Variants in ATP9A observed in about 807,000 individuals in gnomAD.
ATP9A encodes the protein ATPase phospholipid transporting 9A.
A neutral mutation model predicts 144.1 loss-of-function variants in ATP9A; 52 were observed. The ratio of observed to expected loss-of-function variants is 0.36; its 90% CI spans 0.29 to 0.45. The LOEUF (loss-of-function observed/expected upper bound fraction) is 0.45, where lower values mean the gene tolerates loss of function less well. Among genes scored for constraint, ATP9A ranks in the 20% least tolerant of loss-of-function variants. The pLI is 1.00. For missense variants in ATP9A, 947 were observed against 1,392.7 expected, an observed-to-expected ratio of 0.68 and a Z score of 5.09; for synonymous variants, 582 against 557.4, an observed-to-expected ratio of 1.04 and a Z score of -0.62.
At chr20:51,637,257 G>A (rs1009741) in intron 15 of ATP9A, among the ~76,000 whole-genome samples, 35,968 of 139,576 alleles carry the variant, frequency 0.26, 4,780 homozygotes, top group Middle Eastern at 0.29. Context: ...GCGAGAAAAA[G>A]CTGTGAGTTG....
rs778860758 is a variant in ATP9A, at chr20:51,755,974, C to T, written c.68+12328G>A. On this transcript the variant is annotated intron_variant, in intron 1 of 27. Coordinates refer to ENST00000338821, the MANE Select transcript of ATP9A (RefSeq NM_006045.3). ...CATCTCAAAGAAAAAAAAAAAAGTT[C>T]ATAGCTGCACTATTCATGACATTAA... 1.6e-3 allele frequency among the ~76,000 whole-genome samples: 237 copies of T among 151,642 alleles called. 1 individual carries two copies. The highest frequency in any genetic ancestry group is 2.5e-3 in the Non-Finnish European group (172 of 67,852).
At chr20:51,723,748 G>T (rs1010890886) in intron 3 of ATP9A, among the ~76,000 whole-genome samples, 1 of 151,700 alleles carries the variant, frequency 6.6e-6, no homozygotes, top group Non-Finnish European at 1.5e-5. Flanking sequence ...ATAGAGACAG[G>T]GTTTCACCAT....
At chr20:51,710,311 A>AAG (rs1259553987) in intron 4 of ATP9A, among the ~76,000 whole-genome samples, 2 of 152,124 alleles carry the variant, frequency 1.3e-5, no homozygotes, top group East Asian at 3.9e-4. Context: ...CTAAAAAAAA[A>AAG]GAAAAAAACT....
rs1163147405 is a variant in ATP9A at position 51,601,013 on chromosome 20, A to G, written c.*198T>C. The G allele has an allele frequency of 1.9e-6, 1 of 523,728 alleles. No individual in the cohort carries two copies. Among genetic ancestry groups the G allele is most frequent in the Admixed American group, 3.7e-5 (1 of 26,736 alleles). 32.4% of individuals were successfully genotyped at this position (523,728 alleles called of 1,614,324 possible). On this transcript the variant is annotated 3_prime_UTR_variant, in exon 28 of 28. Coordinates refer to ENST00000338821, the MANE Select transcript of ATP9A (RefSeq NM_006045.3). ...AAGAACGAGGGGTTCAGACAGGCCCAGATGGGTCTCTTTCAGGACCCTCCC... is the reference window on the plus strand; with the variant it reads ...AAGAACGAGGGGTTCAGACAGGCCCGGATGGGTCTCTTTCAGGACCCTCCC...
At chr20:51,607,642 C>T (rs2077168792) in intron 25 of ATP9A, 58 bp from the exon 26 acceptor site, 2 of 1,378,670 alleles carry the variant, frequency 1.5e-6, no homozygotes, top group Admixed American at 3.5e-5. Flanking sequence ...ACGCAGCATG[C>T]CATCAGCTTT....
chr20:51,743,469 G>A (rs73616840), intron 1 of ATP9A, among the ~76,000 whole-genome samples: 8 of 145,214 alleles, frequency 5.5e-5, no homozygotes, highest in South Asian at 2.2e-4. Flanking sequence ...GCGGGATCTC[G>A]GCTCACTGCA....
chr20:51,768,376 G>T lies in ATP9A; in HGVS notation c.-7C>A. On this transcript the variant is annotated 5_prime_UTR_variant, in exon 1 of 28. Coordinates refer to ENST00000338821, the MANE Select transcript of ATP9A (RefSeq NM_006045.3). ...GCGGGATGTTGTCCGTCATGTCGGC[G>T]GCGCCGCCCGCCTTGGCCGCCGCGC... The T allele has an allele frequency of 8.4e-7, 1 of 1,193,820 alleles. No individual in the cohort carries two copies. 74.0% of individuals were successfully genotyped at this position (1,193,820 alleles called of 1,614,324 possible).
At chr20:51,725,562 A>G (rs1259782713) in intron 3 of ATP9A, among the ~76,000 whole-genome samples, 1 of 152,194 alleles carries the variant, frequency 6.6e-6, no homozygotes, top group Non-Finnish European at 1.5e-5. Context: ...CATACAATAA[A>G]TCCTTGTTGA....
At chr20:51,715,480 G>C (rs1032786811) in intron 3 of ATP9A, among the ~76,000 whole-genome samples, 5 of 152,062 alleles carry the variant, frequency 3.3e-5, no homozygotes, top group African/African-American at 4.8e-5. Flanking sequence ...TTGTTTTTTC[G>C]AATGTTCCAG....
chr20:51,641,230 G>A (rs1054384380), intron 14 of ATP9A, among the ~76,000 whole-genome samples: 1 of 151,920 alleles, frequency 6.6e-6, no homozygotes, highest in Admixed American at 6.6e-5. Flanking sequence ...GTGGTGGCAT[G>A]CGCCTGTAAT....
At position 51,751,207 on chromosome 20, in the gene ATP9A, A is replaced by G. The variant is rs531542775; in HGVS notation, c.68+17095T>C. ...GGCCCTGCCACCACTTATACCCCCA[A>G]TGAATTAGGAATGCAAAACTCTTGA... On this transcript the variant is annotated intron_variant, in intron 1 of 27. Transcript: ENST00000338821. 1.1e-4 allele frequency among the ~76,000 whole-genome samples: 17 copies of G among 150,584 alleles called. No homozygotes were observed. In the East Asian group the frequency reaches 3.3e-3, roughly 29 times the overall value.
chr20:51,720,535 A>G (rs1158968755), intron 3 of ATP9A, among the ~76,000 whole-genome samples: 2 of 152,146 alleles, frequency 1.3e-5, no homozygotes, highest in African/African-American at 4.8e-5. Flanking sequence ...TTTATAAGGT[A>G]AAGCCCAACA....
intron 3 of ATP9A, among the ~76,000 whole-genome samples, chr20:51,722,442 G>A (rs75737177): frequency 6.6e-6 from 1 of 152,082 alleles, no homozygotes; most frequent in African/African-American, 2.4e-5. Flanking sequence ...CAATCTATAC[G>A]TCTGACAAAG....
At chr20:51,622,286 T>A in intron 18 of ATP9A, 114 bp from the exon 19 acceptor site, 1 of 803,160 alleles carries the variant, frequency 1.2e-6, no homozygotes. Context: ...TCCGTTTACC[T>A]CCTGCCGACT....
chr20:51,609,062 G>A (rs1019486691), intron 24 of ATP9A, among the ~76,000 whole-genome samples: 2 of 151,980 alleles, frequency 1.3e-5, no homozygotes, highest in Non-Finnish European at 2.9e-5. Flanking sequence ...GCATTCCAGG[G>A]AGAAGGAACC....
Position 51,599,380 on chromosome 20 carries a change from C to T in ATP9A, c.*1831G>A, listed in dbSNP as rs2077132777. ...AATTTCTCCTCCACCTTTGAAAACACAGAAACTCACTCAATGAATACGTCA... is the reference window on the plus strand; with the variant it reads ...AATTTCTCCTCCACCTTTGAAAACATAGAAACTCACTCAATGAATACGTCA... On this transcript the variant is annotated 3_prime_UTR_variant, in exon 28 of 28. Coordinates refer to ENST00000338821, the MANE Select transcript of ATP9A (RefSeq NM_006045.3). The T allele has an allele frequency of 6.6e-6, 1 of 151,858 alleles. No homozygotes were observed. Among genetic ancestry groups the T allele is most frequent in the Non-Finnish European group, 1.5e-5 (1 of 67,886 alleles). The allele number at this position is 151,858 out of a possible 1,614,324, so 9.4% of individuals were successfully genotyped here.
chr20:51,601,926 A>C (rs2077144865), intron 27 of ATP9A, among the ~76,000 whole-genome samples: 1 of 151,264 alleles, frequency 6.6e-6, no homozygotes, highest in Non-Finnish European at 1.5e-5. Flanking sequence ...AGAAAAAAAG[A>C]AGGAAAGAAA....
chr20:51,719,745 A>AAG (rs1491409017), intron 3 of ATP9A, among the ~76,000 whole-genome samples: 3 of 137,518 alleles, frequency 2.2e-5, no homozygotes, highest in Non-Finnish European at 4.7e-5. Flanking sequence ...AAAAAAAAAA[A>AAG]GGGGGGGGAA....
chr20:51,715,657 C>T (rs902869306), intron 3 of ATP9A, among the ~76,000 whole-genome samples: 1 of 152,132 alleles, frequency 6.6e-6, no homozygotes, highest in Non-Finnish European at 1.5e-5. Flanking sequence ...TCTCATTAAT[C>T]CTAGGGGCCA....
Sources: allele counts gnomAD v4.1 joint callset (sites outside exome capture counted in the v4.1 genomes callset), GRCh38; gene constraint gnomAD v4.1.1; transcripts MANE v1.5; gene names NCBI Gene and HGNC (gene_info 2026-07-23, HGNC 2026-07-21).